Variants in DGKI observed in about 807,000 individuals in gnomAD.
DGKI encodes the protein diacylglycerol kinase iota, also known as DAG kinase iota.
DGKI carries 55 observed loss-of-function variants against 147.5 expected under a neutral mutation model. The ratio of observed to expected loss-of-function variants is 0.37; its 90% CI spans 0.30 to 0.47. The LOEUF (loss-of-function observed/expected upper bound fraction) is 0.47, where lower values mean the gene tolerates loss of function less well. Ranked by LOEUF, DGKI falls within the 20% of genes least tolerant of loss-of-function variation. DGKI has a pLI of 1.00. For missense variants in DGKI, 1,007 were observed against 1,323.8 expected (o/e 0.76, Z 3.71); for synonymous variants, 469 against 477.1 (o/e 0.98, Z 0.22).
intron 17 of DGKI, among the ~76,000 whole-genome samples, chr7:137,573,137 A>G (rs951523388): frequency 2.6e-5 from 4 of 152,160 alleles, no homozygotes; most frequent in Admixed American, 6.5e-5. Context: ...ACAATGGATG[A>G]TTATTAGTTA....
At chr7:137,732,846 A>G (rs1585421633) in intron 1 of DGKI, among the ~76,000 whole-genome samples, 1 of 151,202 alleles carries the variant, frequency 6.6e-6, no homozygotes, top group Non-Finnish European at 1.5e-5. Flanking sequence ...CATGCACCCC[A>G]CTACCACTTC....
In DGKI at chr7:137,395,819, C is replaced by T. The variant is rs1562992844; in HGVS notation, c.2958-122G>A. The T allele has an allele frequency of 4.5e-5, 35 of 777,346 alleles. No homozygotes were observed. In the East Asian group the frequency reaches 9.1e-4, roughly 20 times the overall value. 48.2% of individuals were successfully genotyped at this position (777,346 alleles called of 1,614,324 possible). A position where few individuals can be genotyped will look rare whatever the true frequency, so the allele number is the denominator to read the frequency against. ...TCCCTGTAGGCTGCTGAGACTTTGGCTGTAGGGTACATTCTGGGGAGGTAG... is the reference window on the plus strand; with the variant it reads ...TCCCTGTAGGCTGCTGAGACTTTGGTTGTAGGGTACATTCTGGGGAGGTAG... On this transcript the variant is annotated intron_variant, in intron 31 of 32. Transcript: ENST00000614521.
chr7:137,544,720 G>T (rs1167446066), intron 20 of DGKI, among the ~76,000 whole-genome samples: 1 of 151,664 alleles, frequency 6.6e-6, no homozygotes, highest in Non-Finnish European at 1.5e-5. Flanking sequence ...ATCATTGTTT[G>T]GCTTCAGAAT....
At chr7:137,496,470 A>T (rs1465141918) in intron 21 of DGKI, among the ~76,000 whole-genome samples, 1 of 152,120 alleles carries the variant, frequency 6.6e-6, no homozygotes, top group Non-Finnish European at 1.5e-5. Flanking sequence ...TTTAAAAATC[A>T]TATGAACCAA....
At chr7:137,553,617 G>T (rs528354923) in intron 19 of DGKI, among the ~76,000 whole-genome samples, 2 of 152,042 alleles carry the variant, frequency 1.3e-5, no homozygotes, top group South Asian at 2.1e-4. Flanking sequence ...ATACATTTTT[G>T]TTGTATAACA....
chr7:137,508,150 G>T (rs1013080617), intron 21 of DGKI, among the ~76,000 whole-genome samples: 21 of 151,128 alleles, frequency 1.4e-4, no homozygotes, highest in Admixed American at 4.0e-4. Context: ...GAAGGTGAAG[G>T]TTCCAGATGT....
intron 19 of DGKI, among the ~76,000 whole-genome samples, chr7:137,562,894 T>A (rs1818463848): frequency 6.6e-6 from 1 of 152,150 alleles, no homozygotes; most frequent in Non-Finnish European, 1.5e-5. Flanking sequence ...GAAGAGAATG[T>A]CATTTCTTGT....
In DGKI at chr7:137,652,193, G is replaced by A. The variant is rs112973999; in HGVS notation, c.738+2539C>T. 2.1e-3 allele frequency among the ~76,000 whole-genome samples: 323 copies of A among 152,090 alleles called. 1 individual carries two copies. The highest frequency in any genetic ancestry group is 7.6e-3 in the African/African-American group (316 of 41,472). ...AGAAATTATCTAGAAATGAGGGGAT[G>A]AAAATATATAAAAGAAAGGAATTTC... On this transcript the variant is annotated intron_variant, in intron 5 of 32. Coordinates refer to ENST00000614521, the MANE Select transcript of DGKI (RefSeq NM_001321708.2).
rs538337136 is a variant in DGKI, at chr7:137,405,975, G to A, written c.2920+1900C>T. ...AGGGGAGGAAATACTGCTTCTCCAG[G>A]AAAGGTGAAAAGATGGGTGGGGGGG... On this transcript the variant is annotated intron_variant, in intron 30 of 32. Coordinates refer to ENST00000614521, the MANE Select transcript of DGKI (RefSeq NM_001321708.2). Among the ~76,000 whole-genome samples the A allele has an allele frequency of 3.3e-5, 5 of 152,222 alleles. No homozygotes were observed. In the South Asian group the frequency reaches 1.0e-3, roughly 32 times the overall value.
At chr7:137,681,720 C>T (rs1823241490) in intron 2 of DGKI, among the ~76,000 whole-genome samples, 1 of 152,186 alleles carries the variant, frequency 6.6e-6, no homozygotes, top group African/African-American at 2.4e-5. Context: ...AAAGTGAAGT[C>T]CAAAATGTAG....
chr7:137,406,407 C>T (rs1247771156), intron 30 of DGKI, among the ~76,000 whole-genome samples: 1 of 152,096 alleles, frequency 6.6e-6, no homozygotes, highest in South Asian at 2.1e-4. Context: ...CTAGGCTTTC[C>T]AGGGCAGACA....
chr7:137,424,017 A>T (rs1027240091), intron 28 of DGKI, among the ~76,000 whole-genome samples: 70 of 152,096 alleles, frequency 4.6e-4, no homozygotes, highest in African/African-American at 1.6e-3. Flanking sequence ...CCTCCCCTAG[A>T]CCCACCCCTA....
rs1466901661 is a variant in DGKI at position 137,425,240 on chromosome 7, C to A, written c.2762-13033G>T. On this transcript the variant is annotated intron_variant, in intron 28 of 32. Transcript: ENST00000614521. ...ATCAGACAGCAGCATTTGTGGTTCACGAAAATCTGCTGTTCTGCAGCGACT... is the reference window on the plus strand; with the variant it reads ...ATCAGACAGCAGCATTTGTGGTTCAAGAAAATCTGCTGTTCTGCAGCGACT... Among the ~76,000 whole-genome samples the A allele has an allele frequency of 2.0e-5, 3 of 152,284 alleles. No individual in the cohort carries two copies. In the East Asian group the frequency reaches 5.8e-4, roughly 29 times the overall value.
At chr7:137,453,593 T>C (rs752428101) in intron 27 of DGKI, among the ~76,000 whole-genome samples, 24 of 152,170 alleles carry the variant, frequency 1.6e-4, no homozygotes, top group Non-Finnish European at 2.9e-4. Context: ...AGAGTGGCAT[T>C]GAAATGAGAG....
chr7:137,621,816 G>A (rs1333971276), intron 7 of DGKI, among the ~76,000 whole-genome samples: 2 of 152,160 alleles, frequency 1.3e-5, no homozygotes, highest in East Asian at 1.9e-4. Flanking sequence ...ATAGACCATC[G>A]CACCACAGCC....
chr7:137,422,239 T>C (rs1812600553), intron 28 of DGKI, among the ~76,000 whole-genome samples: 2 of 152,180 alleles, frequency 1.3e-5, no homozygotes, highest in Non-Finnish European at 2.9e-5. Context: ...CTCACACTCT[T>C]CCAGAATCAC....
chr7:137,825,357 G>A (rs1415147576), intron 1 of DGKI, among the ~76,000 whole-genome samples: 3 of 152,044 alleles, frequency 2.0e-5, no homozygotes, highest in Admixed American at 6.5e-5. Context: ...ATGTCTTCAC[G>A]TTATCCCATG....
intron 20 of DGKI, among the ~76,000 whole-genome samples, chr7:137,530,603 GA>G (rs1434702225): frequency 6.6e-6 from 1 of 152,144 alleles, no homozygotes; most frequent in African/African-American, 2.4e-5. Context: ...TGTTTAATAT[GA>G]GGTTTTCAAT....
chr7:137,562,034 T>C (rs534286416), intron 19 of DGKI, among the ~76,000 whole-genome samples: 40 of 152,286 alleles, frequency 2.6e-4, no homozygotes, highest in Non-Finnish European at 4.4e-4. Context: ...GAGGAAATCA[T>C]TGAAATTAAA....
Sources: allele counts gnomAD v4.1 joint callset (sites outside exome capture counted in the v4.1 genomes callset), GRCh38; gene constraint gnomAD v4.1.1; transcripts MANE v1.5; gene names NCBI Gene and HGNC (gene_info 2026-07-23, HGNC 2026-07-21).